Variants in EXOC6B observed in about 807,000 individuals in gnomAD.
The protein encoded by EXOC6B is exocyst complex component 6B.
A neutral mutation model predicts 113.5 loss-of-function variants in EXOC6B; 54 were observed. That is an observed-to-expected ratio of 0.48 (90% CI 0.38 to 0.60). The LOEUF is 0.60. EXOC6B is among the 20% of genes least tolerant of loss of function. EXOC6B has a pLI of 0.00. For missense variants in EXOC6B, 797 were observed against 977.5 expected, an observed-to-expected ratio of 0.82 and a Z score of 2.46; for synonymous variants, 357 against 339.0, an observed-to-expected ratio of 1.05 and a Z score of -0.58.
chr2:72,482,833 G>A (rs914184994), intron 16 of EXOC6B, among the ~76,000 whole-genome samples: 5 of 152,112 alleles, frequency 3.3e-5, no homozygotes, highest in African/African-American at 9.7e-5. Flanking sequence ...GGATCATCCT[G>A]ACAATCTTAG....
chr2:72,364,222 A>T (rs1256872474), intron 19 of EXOC6B, among the ~76,000 whole-genome samples: 1 of 152,120 alleles, frequency 6.6e-6, no homozygotes, highest in Non-Finnish European at 1.5e-5. Flanking sequence ...CTAAAGAAAA[A>T]AAAATGAGGG....
At chr2:72,365,253 A>G (rs1179811247) in intron 19 of EXOC6B, among the ~76,000 whole-genome samples, 2 of 152,046 alleles carry the variant, frequency 1.3e-5, no homozygotes, top group Non-Finnish European at 2.9e-5. Context: ...ATTAAAAAAA[A>G]CCCCTAAAAA....
chr2:72,370,675 T>G (rs1247636820), intron 19 of EXOC6B, among the ~76,000 whole-genome samples: 11 of 152,188 alleles, frequency 7.2e-5, no homozygotes, highest in African/African-American at 2.2e-4. Context: ...TGGAATACTA[T>G]TCAGCCATAA....
intron 19 of EXOC6B, among the ~76,000 whole-genome samples, chr2:72,361,620 T>C (rs565141213): frequency 2.0e-5 from 3 of 152,284 alleles, no homozygotes; most frequent in Admixed American, 2.0e-4. Flanking sequence ...CAATTGGTAG[T>C]TGTTGATGCC....
At chr2:72,376,525 A>C (rs1691365700) in intron 19 of EXOC6B, among the ~76,000 whole-genome samples, 1 of 152,148 alleles carries the variant, frequency 6.6e-6, no homozygotes, top group Non-Finnish European at 1.5e-5. Flanking sequence ...CAATCTGATA[A>C]CAATGTGCCT....
intron 16 of EXOC6B, among the ~76,000 whole-genome samples, chr2:72,484,193 C>G (rs952870027): frequency 2.0e-5 from 3 of 148,546 alleles, no homozygotes; most frequent in Non-Finnish European, 4.4e-5. Context: ...ATGTGCAGAA[C>G]GTGCAGGTTT....
chr2:72,247,563 T>C (rs1256714968), intron 20 of EXOC6B, among the ~76,000 whole-genome samples: 4 of 152,228 alleles, frequency 2.6e-5, no homozygotes, highest in Admixed American at 6.5e-5. Flanking sequence ...GGTGTGTCCC[T>C]GGCCTTTCCA....
intron 6 of EXOC6B, among the ~76,000 whole-genome samples, chr2:72,596,052 T>C (rs7573417): frequency 0.21 from 32,260 of 152,060 alleles, 5,536 homozygotes; most frequent in African/African-American, 0.48. Flanking sequence ...TAATAATAGA[T>C]GTCAAAAGAC....
chr2:72,195,783 A>G (rs1679130900), intron 20 of EXOC6B, among the ~76,000 whole-genome samples: 1 of 152,222 alleles, frequency 6.6e-6, no homozygotes, highest in African/African-American at 2.4e-5. Flanking sequence ...AATAGTAATA[A>G]GCTAATCAGA....
intron 6 of EXOC6B, among the ~76,000 whole-genome samples, chr2:72,655,808 T>C (rs2104424002): frequency 6.6e-6 from 1 of 152,224 alleles, no homozygotes; most frequent in Non-Finnish European, 1.5e-5. Flanking sequence ...TAGTTAACCA[T>C]CCCTGAGATA....
chr2:72,496,588 G>A, intron 13 of EXOC6B, 29 bp from the exon 14 acceptor site: 1 of 1,429,524 alleles, frequency 7.0e-7, no homozygotes, highest in Non-Finnish European at 9.7e-7. Context: ...ACAAAGGGAA[G>A]GGAAGGATAG....
intron 1 of EXOC6B, among the ~76,000 whole-genome samples, chr2:72,765,929 G>A (rs960575914): frequency 6.6e-6 from 1 of 152,160 alleles, no homozygotes; most frequent in Admixed American, 6.5e-5. Flanking sequence ...CCTTAAATTA[G>A]AGGCATAAGA....
chr2:72,788,723 A>T (rs991109971), intron 1 of EXOC6B, among the ~76,000 whole-genome samples: 1 of 152,152 alleles, frequency 6.6e-6, no homozygotes. Flanking sequence ...GCGTGAGCCT[A>T]GGAGGTCGAA....
chr2:72,630,099 C>T (rs1385118695), intron 6 of EXOC6B, among the ~76,000 whole-genome samples: 1 of 152,166 alleles, frequency 6.6e-6, no homozygotes. Context: ...CCTCAAGCAG[C>T]CAACCAATCC....
intron 18 of EXOC6B, among the ~76,000 whole-genome samples, chr2:72,430,633 T>TGAGA (rs1266015878): frequency 2.0e-5 from 3 of 152,146 alleles, no homozygotes. Flanking sequence ...GACAACAGAA[T>TGAGA]GAGAATCCAT....
At chr2:72,263,313 T>A (rs1352893552) in intron 20 of EXOC6B, 1 of 152,288 alleles carries the variant, frequency 6.6e-6, no homozygotes, top group East Asian at 1.9e-4. Context: ...GTTGCTGGGA[T>A]GAGACTACGC....
At chr2:72,712,516 G>C (rs1204853107) in intron 6 of EXOC6B, among the ~76,000 whole-genome samples, 1 of 152,122 alleles carries the variant, frequency 6.6e-6, no homozygotes, top group Non-Finnish European at 1.5e-5. Flanking sequence ...GTGGTTGTAG[G>C]ACCAAAGTCC....
chr2:72,751,522 A>G (rs1682042110), intron 1 of EXOC6B, among the ~76,000 whole-genome samples: 1 of 152,104 alleles, frequency 6.6e-6, no homozygotes, highest in Admixed American at 6.6e-5. Context: ...TAACTCTGGA[A>G]TGCCCTTGAC....
At chr2:72,676,271 C>A (rs576622281) in intron 6 of EXOC6B, among the ~76,000 whole-genome samples, 1 of 152,134 alleles carries the variant, frequency 6.6e-6, no homozygotes, top group Non-Finnish European at 1.5e-5. Context: ...TTCAACCTTT[C>A]AAATTATTTT....
Sources: gnomAD v4.1 joint callset for allele counts (sites outside exome capture counted in the v4.1 genomes callset) on GRCh38, gnomAD v4.1.1 for gene constraint, MANE v1.5 for transcripts, NCBI Gene and HGNC (gene_info 2026-07-23, HGNC 2026-07-21) for gene names.